The following MYOM1 variants were observed in gnomAD, a reference collection of about 807,000 sequenced individuals.
MYOM1 encodes myomesin-1.
Under a neutral mutation model 205.3 loss-of-function variants are expected in MYOM1, and 164 were observed. The observed-to-expected ratio is 0.80, with a 90% CI of 0.70 to 0.91. The LOEUF (loss-of-function observed/expected upper bound fraction) is 0.91, where lower values mean the gene tolerates loss of function less well. Ranked by LOEUF, MYOM1 falls within the 40% of genes least tolerant of loss-of-function variation. The pLI is 0.00. For synonymous variants in MYOM1, 772 were observed against 789.4 expected, an observed-to-expected ratio of 0.98 and a Z score of 0.37; for missense variants, 2,011 against 2,127.3, an observed-to-expected ratio of 0.95 and a Z score of 1.08.
intron 2 of MYOM1, among the ~76,000 whole-genome samples, chr18:3,203,788 G>GTA (rs2081096396): frequency 6.7e-6 from 1 of 149,928 alleles, no homozygotes; most frequent in South Asian, 2.1e-4. Context: ...TACAAGGTCA[G>GTA]TATTACATGA....
At chr18:3,126,550 A>G (rs183613982) in intron 19 of MYOM1, 151 bp downstream of exon 19, 4 of 634,950 alleles carry the variant, frequency 6.3e-6, no homozygotes, top group East Asian at 2.8e-5. Flanking sequence ...TCACCACAGT[A>G]TATTTTTCAC....
At chr18:3,246,766 GT>G in the MYOM1 span, 1 of 152,288 alleles carries the variant, frequency 6.6e-6, no homozygotes, top group African/African-American at 2.4e-5. Flanking sequence ...ACTGGTCACT[GT>G]CCCCTAGTGC....
chr18:3,098,506 T>G (rs928190809), intron 25 of MYOM1, among the ~76,000 whole-genome samples: 3 of 152,094 alleles, frequency 2.0e-5, no homozygotes, highest in Non-Finnish European at 4.4e-5. Flanking sequence ...CTTGAACTCC[T>G]GACCTCATGA....
chr18:3,116,264 C>G (rs1359646895), intron 21 of MYOM1, 67 bp downstream of exon 21: 1 of 1,499,368 alleles, frequency 6.7e-7, no homozygotes, highest in African/African-American at 1.4e-5. Flanking sequence ...TTTTATCTTG[C>G]TAACTTTAAA....
At position 3,189,968 on chromosome 18, in the gene MYOM1, G is replaced by C. The variant is rs936097313; in HGVS notation, c.432-881C>G. On this transcript the variant is annotated intron_variant, in intron 3 of 37. Coordinates refer to ENST00000356443, the MANE Select transcript of MYOM1 (RefSeq NM_003803.4). The surrounding 1 kb of genome is among the most constrained non-coding windows in gnomAD (Gnocchi z 4.8). Reference sequence around the variant, plus strand: ...ACATGAGGTTCCTTATGCCTACTGGGTTTCTTTCTAAGATAATACATGTTG... The same window carrying C: ...ACATGAGGTTCCTTATGCCTACTGGCTTTCTTTCTAAGATAATACATGTTG... Among the ~76,000 whole-genome samples, 1 of 152,068 alleles carries C rather than the reference G, an allele frequency of 6.6e-6. No homozygotes were observed. The highest frequency in any genetic ancestry group is 2.1e-4 in the South Asian group (1 of 4,820).
At chr18:3,231,557 T>TTTG in the MYOM1 span, among the ~76,000 whole-genome samples, 1 of 144,594 alleles carries the variant, frequency 6.9e-6, no homozygotes, top group Admixed American at 6.9e-5. Flanking sequence ...TTTTTTTTTT[T>TTTG]AGACGGAATT....
chr18:3,089,888 A>G (rs1024901414), intron 27 of MYOM1, among the ~76,000 whole-genome samples: 1 of 152,232 alleles, frequency 6.6e-6, no homozygotes, highest in African/African-American at 2.4e-5. Context: ...GGTGGTAGTA[A>G]GTGAGCAGCT....
chr18:3,086,694 T>C (rs1005168191), intron 29 of MYOM1, among the ~76,000 whole-genome samples: 2 of 152,210 alleles, frequency 1.3e-5, no homozygotes, highest in African/African-American at 4.8e-5. Flanking sequence ...AATCTTCTCA[T>C]CATATCATCT....
chr18:3,166,061 T>C (rs542111336), intron 9 of MYOM1, among the ~76,000 whole-genome samples: 5 of 152,260 alleles, frequency 3.3e-5, no homozygotes, highest in South Asian at 4.1e-4. Context: ...CCTCCGATCA[T>C]GTGCATGTGC....
intron 25 of MYOM1, among the ~76,000 whole-genome samples, chr18:3,095,620 T>G (rs967028042): frequency 6.6e-6 from 1 of 152,164 alleles, no homozygotes; most frequent in African/African-American, 2.4e-5. Flanking sequence ...CACATTAAGG[T>G]ACTGTGAATA....
chr18:3,077,440 G>A (rs2079031948), intron 34 of MYOM1, among the ~76,000 whole-genome samples: 1 of 152,122 alleles, frequency 6.6e-6, no homozygotes, highest in South Asian at 2.1e-4. Context: ...TTACAGATGG[G>A]AAAAATAAGT....
At chr18:3,091,699 A>G (rs931667329) in intron 26 of MYOM1, among the ~76,000 whole-genome samples, 2 of 152,078 alleles carry the variant, frequency 1.3e-5, no homozygotes, top group Non-Finnish European at 2.9e-5. Flanking sequence ...AGTTGTCTTT[A>G]GACTCTCACA....
intron 2 of MYOM1, among the ~76,000 whole-genome samples, chr18:3,198,790 G>GAAAAAAAAAAAAAAAAAAAAAA (rs796981410): frequency 1.0e-5 from 1 of 95,702 alleles, no homozygotes; most frequent in African/African-American, 3.8e-5. Context: ...CTCAAAAAAA[G>GAAAAAAAAAAAAAAAAAAAAAA]AAAAAAAAAA....
intron 14 of MYOM1, among the ~76,000 whole-genome samples, chr18:3,136,340 A>G (rs767782439): frequency 1.3e-4 from 20 of 152,190 alleles, no homozygotes; most frequent in Non-Finnish European, 2.5e-4. Flanking sequence ...TGTTAACTAA[A>G]TACAATAATC....
At chr18:3,148,739 G>C (rs113251595) in intron 13 of MYOM1, among the ~76,000 whole-genome samples, 4 of 150,612 alleles carry the variant, frequency 2.7e-5, no homozygotes, top group Non-Finnish European at 5.9e-5. Flanking sequence ...CCAGCTGCTC[G>C]GGAGGCTGAG....
chr18:3,184,579 G>GT (rs1290005426), intron 5 of MYOM1, among the ~76,000 whole-genome samples: 1 of 152,000 alleles, frequency 6.6e-6, no homozygotes, highest in Non-Finnish European at 1.5e-5. Context: ...TTGTTTGTTT[G>GT]TTTTTTTGTT....
intron 5 of MYOM1, 66 bp from the exon 6 acceptor site, chr18:3,176,200 C>T (rs1449224100): frequency 1.1e-5 from 10 of 910,074 alleles, no homozygotes; most frequent in South Asian, 1.4e-5. Flanking sequence ...TAAACACACA[C>T]ACAATTCTTG....
intron 17 of MYOM1, 31 bp from the exon 18 acceptor site, chr18:3,129,550 T>C (rs531432254): frequency 6.3e-7 from 1 of 1,587,772 alleles, no homozygotes; most frequent in Non-Finnish European, 8.6e-7. Flanking sequence ...CAGAAACGCA[T>C]TGAGCCCGGA....
chr18:3,247,122 C>T, the MYOM1 span: 3 of 152,214 alleles, frequency 2.0e-5, no homozygotes, highest in South Asian at 6.2e-4. Flanking sequence ...GGAAAAACGA[C>T]GGCAAATGTT....
Sources: gnomAD v4.1 joint callset for allele counts (sites outside exome capture counted in the v4.1 genomes callset) on GRCh38, gnomAD v4.1.1 for gene constraint, Gnocchi (gnomAD v3.1) non-coding constraint, MANE v1.5 for transcripts, NCBI Gene and HGNC (gene_info 2026-07-23, HGNC 2026-07-21) for gene names.